The following DOCK1 variants were observed in gnomAD, a reference collection of about 807,000 sequenced individuals.
DOCK1 encodes dedicator of cytokinesis protein 1.
In DOCK1, 138 loss-of-function variants were observed where a neutral mutation model predicts 262.7. That is an observed-to-expected ratio of 0.53 (90% CI 0.46 to 0.61). DOCK1 has a LOEUF of 0.61. DOCK1 is among the 20% of genes least tolerant of loss of function. The pLI is 0.00. For synonymous variants in DOCK1, 866 were observed against 867.4 expected (o/e 1.00, Z 0.03); for missense variants, 1,908 against 2,370.7 (o/e 0.80, Z 4.05).
At chr10:127,119,416 C>G (rs1011835095) in intron 25 of DOCK1, among the ~76,000 whole-genome samples, 4 of 152,172 alleles carry the variant, frequency 2.6e-5, no homozygotes, top group African/African-American at 9.6e-5. Context: ...CTTCACTCAG[C>G]TCCCAGCTCC....
chr10:127,375,215 C>T lies in DOCK1; in HGVS notation c.3675+1001C>T, dbSNP rs145700428. Among the ~76,000 whole-genome samples, 499 of 152,358 alleles carry T rather than the reference C, an allele frequency of 3.3e-3. 8 individuals are homozygous for T. Among genetic ancestry groups the T allele is most frequent in the Admixed American group, 0.025 (390 of 15,312 alleles). ...CGGCCAGCCTCATGGCTCTCAGCAG[C>T]GTTGTGATTCCCACAGCCTGGCTCC... On this transcript the variant is annotated intron_variant, in intron 35 of 51. Transcript: ENST00000623213.
intron 1 of DOCK1, among the ~76,000 whole-genome samples, chr10:126,917,311 G>T (rs1433563922): frequency 1.3e-5 from 2 of 152,196 alleles, no homozygotes; most frequent in African/African-American, 4.8e-5. Flanking sequence ...GGTATTTCGG[G>T]CTTGTGGGTA....
Position 127,322,843 on chromosome 10 carries a change from AG to A in DOCK1, c.3045-16162del, listed in dbSNP as rs879491388. ...TCTTTACTGTCTGATCATTTACAGA[AG>A]AAGTGTACTGATCCCTTGACTAGAC... On this transcript the variant is annotated intron_variant, in intron 29 of 51. Transcript: ENST00000623213. Among the ~76,000 whole-genome samples, 458 of 152,356 alleles carry A rather than the reference AG, an allele frequency of 3.0e-3. 11 individuals are homozygous for A. The highest frequency in any genetic ancestry group is 0.024 in the Admixed American group (375 of 15,310).
chr10:127,392,272 C>T (rs2066525079), intron 38 of DOCK1, among the ~76,000 whole-genome samples: 1 of 152,000 alleles, frequency 6.6e-6, no homozygotes, highest in Non-Finnish European at 1.5e-5. Flanking sequence ...CGAGGCTCTG[C>T]ATTTCTGAGA....
At chr10:127,016,747 A>T (rs1452820597) in intron 12 of DOCK1, among the ~76,000 whole-genome samples, 1 of 138,922 alleles carries the variant, frequency 7.2e-6, no homozygotes, top group South Asian at 2.4e-4. Flanking sequence ...ACACACACAC[A>T]CTAACACAGA....
At chr10:127,406,013 G>A (rs1482599700) in intron 40 of DOCK1, among the ~76,000 whole-genome samples, 1 of 152,188 alleles carries the variant, frequency 6.6e-6, no homozygotes, top group Non-Finnish European at 1.5e-5. Flanking sequence ...AATGAGCTTG[G>A]AGTTAAAGCC....
At chr10:127,393,085 C>T (rs1236881391) in intron 38 of DOCK1, among the ~76,000 whole-genome samples, 1 of 152,214 alleles carries the variant, frequency 6.6e-6, no homozygotes, top group Non-Finnish European at 1.5e-5. Context: ...ACCAGGCTCA[C>T]GTCCTGAGCG....
chr10:127,292,236 G>C (rs544677892), intron 29 of DOCK1, among the ~76,000 whole-genome samples: 43 of 152,092 alleles, frequency 2.8e-4, no homozygotes, highest in Non-Finnish European at 4.7e-4. Context: ...GGGAGGGGGG[G>C]CCCACTTCTA....
At chr10:127,322,019 C>T (rs2135574504) in intron 29 of DOCK1, among the ~76,000 whole-genome samples, 1 of 151,984 alleles carries the variant, frequency 6.6e-6, no homozygotes, top group South Asian at 2.1e-4. Flanking sequence ...ACGAGGATCA[C>T]TTGAACTCAG....
intron 27 of DOCK1, among the ~76,000 whole-genome samples, chr10:127,177,807 C>T (rs1345730883): frequency 6.6e-6 from 1 of 152,226 alleles, no homozygotes; most frequent in South Asian, 2.1e-4. Context: ...ATGCTCTGCT[C>T]GTTCACATAC....
intron 1 of DOCK1, among the ~76,000 whole-genome samples, chr10:126,963,572 TCTCCTTCCC>T (rs1222039526): frequency 7.2e-6 from 1 of 138,458 alleles, no homozygotes; most frequent in African/African-American, 2.7e-5. Flanking sequence ...CTCCTCTCCC[TCTCCTTCCC>T]TCCCTTCCCT....
intron 23 of DOCK1, among the ~76,000 whole-genome samples, chr10:127,076,871 T>C (rs1242386393): frequency 6.6e-6 from 1 of 152,084 alleles, no homozygotes; most frequent in African/African-American, 2.4e-5. Context: ...GTCCCTGGGG[T>C]GCAGGAATTC....
At chr10:127,352,471 G>A (rs1472683556) in intron 31 of DOCK1, among the ~76,000 whole-genome samples, 2 of 152,100 alleles carry the variant, frequency 1.3e-5, no homozygotes, top group African/African-American at 4.8e-5. Flanking sequence ...ATGTACTTTA[G>A]GATGTCTGAA....
At chr10:127,181,247 T>C (rs1446783734) in intron 27 of DOCK1, among the ~76,000 whole-genome samples, 3 of 152,244 alleles carry the variant, frequency 2.0e-5, no homozygotes, top group African/African-American at 4.8e-5. Context: ...GCAGAAGATA[T>C]GTCAATATTT....
At chr10:126,968,947 A>G (rs899550610) in intron 1 of DOCK1, among the ~76,000 whole-genome samples, 1 of 152,216 alleles carries the variant, frequency 6.6e-6, no homozygotes, top group Admixed American at 6.5e-5. Flanking sequence ...AGGAAATAGA[A>G]TTTTCAATAT....
At chr10:127,321,688 G>T (rs2062535816) in intron 29 of DOCK1, among the ~76,000 whole-genome samples, 1 of 151,618 alleles carries the variant, frequency 6.6e-6, no homozygotes, top group African/African-American at 2.4e-5. Context: ...AGTTACCTCT[G>T]CAGCGTCCTT....
chr10:126,924,245 G>C (rs746462288), intron 1 of DOCK1, among the ~76,000 whole-genome samples: 12 of 147,392 alleles, frequency 8.1e-5, no homozygotes, highest in Non-Finnish European at 1.5e-4. Flanking sequence ...CTGAGCAGGG[G>C]GAACTGAGTG....
In DOCK1 at chr10:127,128,436, G is replaced by A. The variant is rs531840162; in HGVS notation, c.2847+672G>A. Among the ~76,000 whole-genome samples, 12 of 146,704 alleles carry A rather than the reference G, an allele frequency of 8.2e-5. No homozygotes were observed. In the East Asian group the frequency reaches 1.4e-3, roughly 17 times the overall value. ...TGTGCAGAACATACAGGTTTGTTAC[G>A]TAGGTATGCGTGTGCCATGGTGGTC... On this transcript the variant is annotated intron_variant, in intron 27 of 51. Transcript: ENST00000623213.
At chr10:127,023,384 C>T in intron 14 of DOCK1, 60 bp downstream of exon 14, 3 of 1,601,394 alleles carry the variant, frequency 1.9e-6, no homozygotes, top group Non-Finnish European at 2.6e-6. Context: ...AAGTGCTCAC[C>T]TTGGCTCTGC....
Sources: gnomAD v4.1 joint callset for allele counts (sites outside exome capture counted in the v4.1 genomes callset) on GRCh38, gnomAD v4.1.1 for gene constraint, MANE v1.5 for transcripts, NCBI Gene and HGNC (gene_info 2026-07-23, HGNC 2026-07-21) for gene names.